CDC42BPA: variants seen among roughly 807,000 people sequenced by gnomAD.
CDC42BPA encodes CDC42 binding protein kinase alpha.
CDC42BPA carries 80 observed loss-of-function variants against 223.5 expected under a neutral mutation model. That is an observed-to-expected ratio of 0.36 (90% confidence interval 0.30 to 0.43). CDC42BPA has a LOEUF of 0.43. Ranked by LOEUF, CDC42BPA falls within the 20% of genes least tolerant of loss-of-function variation. The pLI, the probability that CDC42BPA is intolerant of heterozygous loss-of-function variation, is 1.00. For missense variants in CDC42BPA, 1,743 were observed against 2,099.9 expected, an observed-to-expected ratio of 0.83 and a Z score of 3.32; for synonymous variants, 694 against 718.6, an observed-to-expected ratio of 0.97 and a Z score of 0.55.
At chr1:227,239,508 A>G (rs1572567055) in intron 2 of CDC42BPA, among the ~76,000 whole-genome samples, 1 of 152,160 alleles carries the variant, frequency 6.6e-6, no homozygotes, top group African/African-American at 2.4e-5. Flanking sequence ...AAGATTGGGT[A>G]AGTGTGGGAA....
At chr1:226,995,283 T>G (rs1488135548) in intron 35 of CDC42BPA, among the ~76,000 whole-genome samples, 1 of 152,210 alleles carries the variant, frequency 6.6e-6, no homozygotes, top group Non-Finnish European at 1.5e-5. Context: ...AGTCTCCACC[T>G]GCCTGGTGCT....
chr1:227,163,070 ATGTG>A (rs919169425), intron 5 of CDC42BPA, among the ~76,000 whole-genome samples: 5 of 26,038 alleles, frequency 1.9e-4, no homozygotes, highest in African/African-American at 1.8e-3. Flanking sequence ...CCAAACATAA[ATGTG>A]TGTATGTTTC....
chr1:227,091,778 G>T, intron 16 of CDC42BPA, 108 bp downstream of exon 16: 1 of 554,032 alleles, frequency 1.8e-6, no homozygotes. Flanking sequence ...TCAGGAGAAA[G>T]ACTATTAAAC....
At chr1:227,223,936 A>AT (rs1558805316) in intron 2 of CDC42BPA, among the ~76,000 whole-genome samples, 1 of 152,190 alleles carries the variant, frequency 6.6e-6, no homozygotes, top group South Asian at 2.1e-4. Flanking sequence ...GGCTAATAAC[A>AT]TAAGTGTTCT....
At chr1:227,264,142 T>C (rs1473165137) in intron 1 of CDC42BPA, among the ~76,000 whole-genome samples, 1 of 152,244 alleles carries the variant, frequency 6.6e-6, no homozygotes, top group Admixed American at 6.5e-5. Flanking sequence ...GTTTATAGAC[T>C]TTTGCAATGA....
chr1:227,271,120 A>C (rs772293435), intron 1 of CDC42BPA, among the ~76,000 whole-genome samples: 7 of 152,182 alleles, frequency 4.6e-5, no homozygotes, highest in African/African-American at 7.2e-5. Flanking sequence ...AGAATATATA[A>C]TACTTAATGT....
intron 2 of CDC42BPA, among the ~76,000 whole-genome samples, chr1:227,253,824 A>G (rs1682587349): frequency 6.6e-6 from 1 of 152,112 alleles, no homozygotes; most frequent in African/African-American, 2.4e-5. Context: ...TTACATTGAC[A>G]TATGAAGTAC....
chr1:227,187,262 A>G (rs1003840249), intron 5 of CDC42BPA, among the ~76,000 whole-genome samples: 3 of 152,218 alleles, frequency 2.0e-5, no homozygotes, highest in Non-Finnish European at 4.4e-5. Flanking sequence ...ACTATTATTA[A>G]TATGTTAAAG....
chr1:227,298,282 T>C (rs1311441375), intron 1 of CDC42BPA, among the ~76,000 whole-genome samples: 1 of 151,752 alleles, frequency 6.6e-6, no homozygotes, highest in Non-Finnish European at 1.5e-5. Context: ...ACATAAAAAA[T>C]AACAAGTGAA....
At chr1:227,174,514 A>C (rs1054333478) in intron 5 of CDC42BPA, among the ~76,000 whole-genome samples, 20 of 152,276 alleles carry the variant, frequency 1.3e-4, no homozygotes, top group African/African-American at 4.6e-4. Flanking sequence ...AACTCTCTAG[A>C]TATGAATTAT....
At chr1:227,299,823 A>G (rs918473319) in intron 1 of CDC42BPA, among the ~76,000 whole-genome samples, 1 of 152,216 alleles carries the variant, frequency 6.6e-6, no homozygotes, top group Non-Finnish European at 1.5e-5. Flanking sequence ...ACAAGGAAGC[A>G]AAGTATTACA....
intron 32 of CDC42BPA, 22 bp from the exon 33 acceptor site, chr1:227,017,072 C>A (rs573904280): frequency 6.2e-7 from 1 of 1,600,998 alleles, no homozygotes; most frequent in East Asian, 2.2e-5. Context: ...AAAATACAAA[C>A]GATAATGATG....
At chr1:227,023,812 T>C (rs1043836657) in intron 31 of CDC42BPA, among the ~76,000 whole-genome samples, 1 of 152,150 alleles carries the variant, frequency 6.6e-6, no homozygotes, top group African/African-American at 2.4e-5. Flanking sequence ...CCAGTTGGAT[T>C]AAAAACATAA....
chr1:227,220,297 TATATATATATATATACACAC>T (rs778137839), intron 2 of CDC42BPA, among the ~76,000 whole-genome samples: 7 of 96,418 alleles, frequency 7.3e-5, no homozygotes, highest in Admixed American at 1.1e-4. Context: ...TATATATATA[TATATATATATATATACACAC>T]ACACACACAC....
Position 227,073,872 on chromosome 1 carries a change from T to G in CDC42BPA, c.2727A>C (p.Ile909=), listed in dbSNP as rs781296768. ...ATATGATTCAATCTTACCATTCTGT[T>G]ATGATATTAGATGCTTTAACTTTAT... ...ELNKVKASNI[I]TECKLKDSEK... The change falls in exon 19 of 37, where the codon ATA becomes ATC. Residue 909 remains isoleucine, a synonymous_variant. Coordinates refer to ENST00000366766, the MANE Select transcript of CDC42BPA (RefSeq NM_001394014.1). The G allele has an allele frequency of 6.3e-7, 1 of 1,590,306 alleles. No homozygotes were observed. The highest frequency in any genetic ancestry group is 1.2e-5 in the South Asian group (1 of 86,686).
rs1158418018 is a variant in CDC42BPA, at chr1:226,991,115, T to C, written c.*3153A>G. 2 of 152,650 alleles carry C rather than the reference T, an allele frequency of 1.3e-5. No individual in the cohort carries two copies. Among genetic ancestry groups the C allele is most frequent in the Non-Finnish European group, 2.9e-5 (2 of 68,030 alleles). The allele number at this position is 152,650 out of a possible 1,614,324, so 9.5% of individuals were successfully genotyped here. On this transcript the variant is annotated 3_prime_UTR_variant, in exon 37 of 37. Transcript: ENST00000366766. ...GAATATATATGTATGTAATTTTAAA[T>C]ACCCAAAGCACAAACATGATTAGTC... is the stretch of plus-strand genomic sequence containing the variant.
intron 24 of CDC42BPA, among the ~76,000 whole-genome samples, chr1:227,039,161 CAA>C (rs951586636): frequency 6.6e-6 from 1 of 152,132 alleles, no homozygotes; most frequent in African/African-American, 2.4e-5. Flanking sequence ...TTCTGAATTT[CAA>C]AAAGTCTTTA....
At chr1:227,060,030 GTTT>G (rs66527313) in intron 21 of CDC42BPA, among the ~76,000 whole-genome samples, 1 of 117,690 alleles carries the variant, frequency 8.5e-6, no homozygotes, top group Admixed American at 9.8e-5. Context: ...GTTTTTTTTT[GTTT>G]TTTTTTTTTT....
At chr1:227,163,318 A>G (rs1443676770) in intron 5 of CDC42BPA, among the ~76,000 whole-genome samples, 1 of 152,140 alleles carries the variant, frequency 6.6e-6, no homozygotes, top group Non-Finnish European at 1.5e-5. Flanking sequence ...AATTCTCCTG[A>G]TAACGGAATT....
Sources: gnomAD v4.1 joint callset for allele counts (sites outside exome capture counted in the v4.1 genomes callset) on GRCh38, gnomAD v4.1.1 for gene constraint, MANE v1.5 for transcripts, NCBI Gene and HGNC (gene_info 2026-07-23, HGNC 2026-07-21) for gene names.